Variants in KLHL3 observed in about 807,000 individuals in gnomAD.
The protein encoded by KLHL3 is kelch-like protein 3.
Under a neutral mutation model 70.5 loss-of-function variants are expected in KLHL3, and 19 were observed. The observed-to-expected ratio is 0.27, with a 90% CI of 0.19 to 0.40. The LOEUF is 0.40. Ranked by LOEUF, KLHL3 falls within the 10% of genes least tolerant of loss-of-function variation. KLHL3 has a pLI of 1.00. For missense variants in KLHL3, 512 were observed against 771.1 expected, an observed-to-expected ratio of 0.66 and a Z score of 3.98; for synonymous variants, 258 against 290.3, an observed-to-expected ratio of 0.89 and a Z score of 1.13.
intron 2 of KLHL3, among the ~76,000 whole-genome samples, chr5:137,718,813 C>T (rs1032674676): frequency 4.6e-5 from 7 of 152,208 alleles, no homozygotes; most frequent in Non-Finnish European, 7.3e-5. Flanking sequence ...GGCAGAGCTT[C>T]CAGGAAATCT....
rs554319310 is a variant in KLHL3, at chr5:137,628,646, G to C, written c.1451-209C>G. 4 of 453,252 alleles carry C rather than the reference G, an allele frequency of 8.8e-6. No individual in the cohort carries two copies. In the South Asian group the frequency reaches 1.9e-4, roughly 22 times the overall value. The allele number at this position is 453,252 out of a possible 1,614,324, so 28.1% of individuals were successfully genotyped here. ...ATAAGACTAGCAACCTCAAAACTTT[G>C]AAATATAATGCAAATGTGACCCAAA... On this transcript the variant is annotated intron_variant, in intron 12 of 14. Transcript: ENST00000309755.
Position 137,683,765 on chromosome 5 carries a change from TTCTC to T in KLHL3, c.527-6115_527-6112del, listed in dbSNP as rs10551182. Among the ~76,000 whole-genome samples the T allele has an allele frequency of 1.6e-4, 24 of 150,114 alleles. No individual in the cohort carries two copies. The South Asian group carries it at 1.7e-3, about 11-fold the overall frequency. ...TCTCTCTCTCTCTCTCTAGCTCTCT[TTCTC>T]TCTCTCTCTCTCTCTCACACACACA... On this transcript the variant is annotated intron_variant, in intron 5 of 14. Transcript: ENST00000309755.
At chr5:137,626,908 G>A (rs1451990768) in intron 13 of KLHL3, among the ~76,000 whole-genome samples, 2 of 152,118 alleles carry the variant, frequency 1.3e-5, no homozygotes. Flanking sequence ...GGAGGCTGAG[G>A]TGGGAGGATC....
chr5:137,722,516 C>T (rs533680480), intron 1 of KLHL3, among the ~76,000 whole-genome samples: 3 of 152,096 alleles, frequency 2.0e-5, no homozygotes, highest in African/African-American at 7.2e-5. Flanking sequence ...GGGAAGCAAC[C>T]AGCAAAGATG....
chr5:137,625,966 A>G, intron 13 of KLHL3, 70 bp from the exon 14 acceptor site: 1 of 1,580,964 alleles, frequency 6.3e-7, no homozygotes, highest in Non-Finnish European at 8.7e-7. Context: ...TGATCAAGAG[A>G]CAAATCTGGA....
intron 6 of KLHL3, among the ~76,000 whole-genome samples, chr5:137,664,016 A>G (rs1056087613): frequency 6.6e-6 from 1 of 152,182 alleles, no homozygotes; most frequent in Non-Finnish European, 1.5e-5. Flanking sequence ...TGTATTTAAT[A>G]TCCATATACC....
chr5:137,633,604 T>C (rs545002963), intron 12 of KLHL3, among the ~76,000 whole-genome samples: 6 of 152,266 alleles, frequency 3.9e-5, no homozygotes, highest in Middle Eastern at 6.8e-3. Context: ...AAATATAGTA[T>C]GTATACACCA....
chr5:137,666,366 T>G (rs539166068), intron 6 of KLHL3, among the ~76,000 whole-genome samples: 1 of 152,292 alleles, frequency 6.6e-6, no homozygotes, highest in East Asian at 1.9e-4. Flanking sequence ...CCACACCTCT[T>G]TCTACTTCCC....
intron 6 of KLHL3, among the ~76,000 whole-genome samples, chr5:137,664,592 C>A (rs1751567160): frequency 6.6e-6 from 1 of 151,274 alleles, no homozygotes; most frequent in African/African-American, 2.4e-5. Context: ...CTTTGGGAGG[C>A]CAAGGTGGGA....
At chr5:137,667,061 G>A (rs1340997787) in intron 6 of KLHL3, among the ~76,000 whole-genome samples, 3 of 152,122 alleles carry the variant, frequency 2.0e-5, no homozygotes, top group African/African-American at 7.2e-5. Flanking sequence ...CTAATAGCAG[G>A]GGGGTTGCAA....
In KLHL3 at chr5:137,735,861, C is replaced by T; in HGVS notation, c.-215G>A. On this transcript the variant is annotated 5_prime_UTR_variant, in exon 1 of 15. Coordinates refer to ENST00000309755, the MANE Select transcript of KLHL3 (RefSeq NM_017415.3). ...CAAAAGCAGCAGCAACAGAAAATGT[C>T]TTACCCAGAGCTCCCTGCAGCCCTT... The T allele has an allele frequency of 1.5e-6, 1 of 647,898 alleles. No individual in the cohort carries two copies. Among genetic ancestry groups the T allele is most frequent in the Non-Finnish European group, 2.8e-6 (1 of 360,280 alleles). 40.1% of individuals were successfully genotyped at this position (647,898 alleles called of 1,614,324 possible).
At chr5:137,732,484 T>G (rs1753194479) in intron 1 of KLHL3, among the ~76,000 whole-genome samples, 1 of 150,836 alleles carries the variant, frequency 6.6e-6, no homozygotes, top group South Asian at 2.1e-4. Context: ...AAAGAAAGAT[T>G]AAGGTAGATC....
chr5:137,709,106 T>C (rs1021790195), intron 3 of KLHL3, among the ~76,000 whole-genome samples: 2 of 152,238 alleles, frequency 1.3e-5, no homozygotes, highest in Non-Finnish European at 2.9e-5. Context: ...GACAAGACTA[T>C]TGGGCATGCC....
Position 137,689,591 on chromosome 5 carries a change from C to T in KLHL3, c.526+2694G>A, listed in dbSNP as rs980600972. ...CACAGAAACAGAACACCAAATATCA[C>T]GTGTTTTCACTTGTAAGTGGGCTAA... On this transcript the variant is annotated intron_variant, in intron 5 of 14. Coordinates refer to ENST00000309755, the MANE Select transcript of KLHL3 (RefSeq NM_017415.3). Among the ~76,000 whole-genome samples, 7 of 152,310 alleles carry T rather than the reference C, an allele frequency of 4.6e-5. 1 individual carries two copies. In the South Asian group the frequency reaches 6.2e-4, roughly 14 times the overall value.
chr5:137,690,243 C>T (rs1269143982), intron 5 of KLHL3, among the ~76,000 whole-genome samples: 1 of 151,552 alleles, frequency 6.6e-6, no homozygotes, highest in African/African-American at 2.4e-5. Flanking sequence ...AGGAGAATGG[C>T]GTGAACCCAG....
intron 2 of KLHL3, among the ~76,000 whole-genome samples, chr5:137,715,018 C>G (rs1265045856): frequency 1.3e-5 from 2 of 152,138 alleles, no homozygotes; most frequent in Non-Finnish European, 2.9e-5. Flanking sequence ...CTTTTCAGGC[C>G]TGGTTAGGAT....
chr5:137,715,785 A>ACTTCTCTT (rs1365189245), intron 2 of KLHL3, among the ~76,000 whole-genome samples: 1 of 152,212 alleles, frequency 6.6e-6, no homozygotes, highest in Non-Finnish European at 1.5e-5. Flanking sequence ...TCTCTTCTAT[A>ACTTCTCTT]CAAATAATCA....
chr5:137,662,150 G>T, intron 6 of KLHL3, 119 bp from the exon 7 acceptor site: 2 of 615,630 alleles, frequency 3.2e-6, no homozygotes, highest in African/African-American at 1.9e-5. Flanking sequence ...ATCCACAAAG[G>T]TGTTTAATTA....
intron 13 of KLHL3, among the ~76,000 whole-genome samples, chr5:137,626,218 T>C (rs1472622425): frequency 1.3e-5 from 2 of 152,180 alleles, no homozygotes; most frequent in Non-Finnish European, 2.9e-5. Context: ...CCCTCTTTAA[T>C]GGAAAGGTGT....
Sources: allele counts gnomAD v4.1 joint callset (sites outside exome capture counted in the v4.1 genomes callset), GRCh38; gene constraint gnomAD v4.1.1; transcripts MANE v1.5; gene names NCBI Gene and HGNC (gene_info 2026-07-23, HGNC 2026-07-21).